The following NR2C2 variants were observed in gnomAD, a reference collection of about 807,000 sequenced individuals.
NR2C2 encodes the protein nuclear receptor subfamily 2 group C member 2.
In NR2C2, 6 loss-of-function variants were observed where a neutral mutation model predicts 62.9. The observed-to-expected ratio is 0.10, with a 90% CI of 0.05 to 0.19. The LOEUF (loss-of-function observed/expected upper bound fraction) is 0.19. NR2C2 is among the 10% of genes least tolerant of loss of function. NR2C2 has a pLI of 1.00. For missense variants in NR2C2, 479 were observed against 762.7 expected (o/e 0.63, Z 4.38); for synonymous variants, 272 against 273.8 (o/e 0.99, Z 0.07).
At chr3:14,959,033 A>T (rs2039611665) in intron 1 of NR2C2, 1 of 152,254 alleles carries the variant, frequency 6.6e-6, no homozygotes, top group African/African-American at 2.4e-5. Flanking sequence ...CTACATCTAG[A>T]CACAACCCAC....
In NR2C2 at chr3:15,044,598, A is replaced by G. The variant is rs985934299; in HGVS notation, c.*1590A>G. The G allele has an allele frequency of 6.6e-6, 1 of 152,258 alleles. No homozygotes were observed. Among genetic ancestry groups the G allele is most frequent in the Non-Finnish European group, 1.5e-5 (1 of 68,050 alleles). The allele number at this position is 152,258 out of a possible 1,614,324, so 9.4% of individuals were successfully genotyped here. On this transcript the variant is annotated 3_prime_UTR_variant, in exon 14 of 14. Coordinates refer to ENST00000425241, the MANE Select transcript of NR2C2 (RefSeq NM_001291694.2). ...TTGTCTTTTGCTTTTTAAATAGTCC[A>G]GATTAAGAAAATACACCCTGTTGGG...
chr3:15,020,826 C>T lies in NR2C2; in HGVS notation c.450C>T (p.Thr150=). 1 of 1,614,120 alleles carries T rather than the reference C, an allele frequency of 6.2e-7. No homozygotes were observed. The highest frequency in any genetic ancestry group is 1.3e-5 in the African/African-American group (1 of 75,030). Residue 150 remains threonine (T), a synonymous_variant, in exon 5 of 14, where the codon ACC becomes ACT. Transcript: ENST00000425241. The stretch of plus-strand genomic sequence containing the variant: ...AAAGGAGTGTGAGGAAAAATTTGAC[C>T]TACAGCTGCCGGAGCAACCAAGACT... ...FFKRSVRKNL[T]YSCRSNQDCI... is the part of the protein sequence containing the mutation.
At chr3:14,949,739 C>G (rs920187705) in intron 1 of NR2C2, among the ~76,000 whole-genome samples, 1 of 152,002 alleles carries the variant, frequency 6.6e-6, no homozygotes, top group South Asian at 2.1e-4. Context: ...GACACTGGTC[C>G]TCAAACATGT....
At chr3:15,033,546 T>C (rs1277047202) in intron 10 of NR2C2, among the ~76,000 whole-genome samples, 2 of 151,782 alleles carry the variant, frequency 1.3e-5, no homozygotes, top group African/African-American at 4.8e-5. Context: ...AGACAGGTAG[T>C]GACTGCTAAA....
intron 1 of NR2C2, among the ~76,000 whole-genome samples, chr3:14,981,621 A>AG (rs1346993810): frequency 1.3e-5 from 2 of 150,746 alleles, no homozygotes; most frequent in Admixed American, 6.6e-5. Flanking sequence ...AAAAAAAAAA[A>AG]AAGAGTATTG....
At chr3:14,955,759 A>G (rs1297795873) in intron 1 of NR2C2, among the ~76,000 whole-genome samples, 2 of 152,168 alleles carry the variant, frequency 1.3e-5, no homozygotes, top group African/African-American at 4.8e-5. Flanking sequence ...TTACTGATAG[A>G]TATGAAGAAA....
At chr3:15,016,733 G>A (rs923196777) in intron 4 of NR2C2, among the ~76,000 whole-genome samples, 2 of 152,156 alleles carry the variant, frequency 1.3e-5, no homozygotes, top group African/African-American at 2.4e-5. Context: ...AGAGGCAGTC[G>A]CACCTGGGAG....
At chr3:14,971,274 T>A (rs1035386071) in intron 1 of NR2C2, among the ~76,000 whole-genome samples, 1 of 151,400 alleles carries the variant, frequency 6.6e-6, no homozygotes, top group Non-Finnish European at 1.5e-5. Context: ...CCCACCATCA[T>A]GCCCTGCTAA....
chr3:15,007,716 C>T (rs570396691), intron 2 of NR2C2, among the ~76,000 whole-genome samples: 1 of 151,954 alleles, frequency 6.6e-6, no homozygotes, highest in Admixed American at 6.6e-5. Flanking sequence ...TCCTCAGGAG[C>T]GATTTGATAA....
rs915257322 is a variant in NR2C2 at position 15,043,551 on chromosome 3, A to C, written c.*543A>C. 1 of 152,710 alleles carries C rather than the reference A, an allele frequency of 6.5e-6. No individual in the cohort carries two copies. Among genetic ancestry groups the C allele is most frequent in the African/African-American group, 2.4e-5 (1 of 41,468 alleles). The allele number at this position is 152,710 out of a possible 1,614,324, so 9.5% of individuals were successfully genotyped here. On this transcript the variant is annotated 3_prime_UTR_variant, in exon 14 of 14. Transcript: ENST00000425241. ...CTGTGAAAACTCACTAGGGTACAGG[A>C]GACAATCATTTATGTTTAAGAAAAG...
intron 4 of NR2C2, among the ~76,000 whole-genome samples, chr3:15,017,778 G>A (rs1192755815): frequency 6.6e-6 from 1 of 152,166 alleles, no homozygotes; most frequent in African/African-American, 2.4e-5. Context: ...TGCACACTTG[G>A]GAAATGGTTT....
chr3:14,987,222 G>A (rs529036588), intron 1 of NR2C2, among the ~76,000 whole-genome samples: 1 of 152,144 alleles, frequency 6.6e-6, no homozygotes, highest in East Asian at 1.9e-4. Context: ...AGCTGGGACT[G>A]CAGGCACATG....
At chr3:14,969,721 C>G (rs2039980633) in intron 1 of NR2C2, among the ~76,000 whole-genome samples, 1 of 152,184 alleles carries the variant, frequency 6.6e-6, no homozygotes, top group Non-Finnish European at 1.5e-5. Context: ...TCCTTGATCC[C>G]TGGGCTATGT....
intron 1 of NR2C2, among the ~76,000 whole-genome samples, chr3:14,969,244 C>CTTTTTTT (rs35048015): frequency 1.6e-5 from 2 of 125,814 alleles, no homozygotes; most frequent in South Asian, 2.5e-4. Flanking sequence ...AATAAAGATT[C>CTTTTTTT]TTTTTTTTTT....
At chr3:14,971,648 ATTTG>A (rs1171791374) in intron 1 of NR2C2, among the ~76,000 whole-genome samples, 1 of 151,512 alleles carries the variant, frequency 6.6e-6, no homozygotes, top group Non-Finnish European at 1.5e-5. Context: ...ACAACACGTT[ATTTG>A]TTGTTTTGTT....
Position 15,030,268 on chromosome 3 carries a change from C to G in NR2C2, c.933-7C>G, listed in dbSNP as rs373483305. ...ACAACAATTACATGCTTCATTTTTG[C>G]TCACAGGGCATTTGATACCTTAGCT... On this transcript the variant is annotated splice_region_variant and splice_polypyrimidine_tract_variant and intron_variant, in intron 8 of 13. Coordinates refer to ENST00000425241, the MANE Select transcript of NR2C2 (RefSeq NM_001291694.2). 1.2e-6 allele frequency: 2 copies of G among 1,605,030 alleles called. No homozygotes were observed. The highest frequency in any genetic ancestry group is 2.7e-5 in the African/African-American group (2 of 74,344).
intron 13 of NR2C2, among the ~76,000 whole-genome samples, chr3:15,041,966 G>T (rs2042282726): frequency 6.6e-6 from 1 of 152,170 alleles, no homozygotes; most frequent in Non-Finnish European, 1.5e-5. Flanking sequence ...AATACCAAAG[G>T]TTTTGTAACC....
chr3:15,037,339 G>A (rs1387835770), intron 11 of NR2C2, among the ~76,000 whole-genome samples: 1 of 151,972 alleles, frequency 6.6e-6, no homozygotes, highest in African/African-American at 2.4e-5. Context: ...CCGAAATATT[G>A]GGACTAGAGA....
At chr3:14,975,923 A>T (rs1437492926) in intron 1 of NR2C2, among the ~76,000 whole-genome samples, 5 of 151,944 alleles carry the variant, frequency 3.3e-5, no homozygotes, top group African/African-American at 9.7e-5. Flanking sequence ...TTTCTTTTTT[A>T]AAAAATATAA....
Sources: allele counts gnomAD v4.1 joint callset (sites outside exome capture counted in the v4.1 genomes callset), GRCh38; gene constraint gnomAD v4.1.1; transcripts MANE v1.5; gene names NCBI Gene and HGNC (gene_info 2026-07-23, HGNC 2026-07-21).